The following PARD3 variants were observed in gnomAD, a reference collection of about 807,000 sequenced individuals.
PARD3 encodes the protein partitioning defective 3 homolog.
PARD3 carries 75 observed loss-of-function variants against 155.4 expected under a neutral mutation model. That is an observed-to-expected ratio of 0.48 (90% CI 0.40 to 0.58). The LOEUF (loss-of-function observed/expected upper bound fraction) is 0.58, where lower values mean the gene tolerates loss of function less well. PARD3 is among the 20% of genes least tolerant of loss of function. The pLI, the probability that PARD3 is intolerant of heterozygous loss-of-function variation, is 0.00. For missense variants in PARD3, 1,642 were observed against 1,721.7 expected, an observed-to-expected ratio of 0.95 and a Z score of 0.82; for synonymous variants, 576 against 610.5, an observed-to-expected ratio of 0.94 and a Z score of 0.83.
intron 1 of PARD3, among the ~76,000 whole-genome samples, chr10:34,711,908 C>G (rs1264005573): frequency 6.6e-6 from 1 of 152,228 alleles, no homozygotes; most frequent in Non-Finnish European, 1.5e-5. Context: ...AGTTTACATT[C>G]CAGGAAACAT....
chr10:34,726,985 A>C (rs1479546887), intron 1 of PARD3, among the ~76,000 whole-genome samples: 1 of 152,178 alleles, frequency 6.6e-6, no homozygotes, highest in Non-Finnish European at 1.5e-5. Context: ...GGGTAAGCTC[A>C]GACAAATAAA....
At chr10:34,117,496 A>G (rs1946747649) in intron 24 of PARD3, among the ~76,000 whole-genome samples, 1 of 152,166 alleles carries the variant, frequency 6.6e-6, no homozygotes, top group Admixed American at 6.5e-5. Context: ...TACACAGACC[A>G]ACCTTGATGT....
chr10:34,314,597 A>T (rs1298214926), intron 20 of PARD3, among the ~76,000 whole-genome samples: 2 of 151,692 alleles, frequency 1.3e-5, no homozygotes, highest in Non-Finnish European at 2.9e-5. Context: ...TGGGAGAAGA[A>T]CTCTGTTTTG....
chr10:34,532,417 A>C (rs959455896), intron 2 of PARD3, among the ~76,000 whole-genome samples: 2 of 152,144 alleles, frequency 1.3e-5, no homozygotes, highest in African/African-American at 4.8e-5. Context: ...TTCTGAGTAG[A>C]CAACTTTGCA....
At chr10:34,472,982 A>T (rs1056534187) in intron 3 of PARD3, among the ~76,000 whole-genome samples, 5 of 152,326 alleles carry the variant, frequency 3.3e-5, no homozygotes, top group Admixed American at 1.3e-4. Flanking sequence ...TTATCTCTAT[A>T]TACCTGTAGC....
intron 22 of PARD3, among the ~76,000 whole-genome samples, chr10:34,142,396 G>T (rs1386567212): frequency 1.3e-5 from 2 of 151,898 alleles, no homozygotes; most frequent in Admixed American, 6.6e-5. Flanking sequence ...AAAATTAGCT[G>T]GGTGTGGTGG....
At chr10:34,368,709 C>A (rs1323498688) in intron 12 of PARD3, among the ~76,000 whole-genome samples, 1 of 151,840 alleles carries the variant, frequency 6.6e-6, no homozygotes, top group African/African-American at 2.4e-5. Flanking sequence ...CAGCCCAAGT[C>A]AGGAGAAAGT....
intron 24 of PARD3, among the ~76,000 whole-genome samples, chr10:34,116,232 TATAC>T (rs1451433939): frequency 1.3e-5 from 2 of 152,224 alleles, no homozygotes; most frequent in Non-Finnish European, 2.9e-5. Context: ...CTCTTTCTCA[TATAC>T]ATGCCTCTAA....
intron 4 of PARD3, 102 bp downstream of exon 4, chr10:34,469,983 A>G: frequency 1.1e-6 from 1 of 882,554 alleles, no homozygotes; most frequent in Non-Finnish European, 1.7e-6. Flanking sequence ...CATCATGAAG[A>G]TGCCCTGGAA....
At chr10:34,203,172 AAGAG>A (rs777650179) in intron 22 of PARD3, among the ~76,000 whole-genome samples, 5 of 151,308 alleles carry the variant, frequency 3.3e-5, no homozygotes, top group South Asian at 2.1e-4. Flanking sequence ...GGTACACTGC[AAGAG>A]AGAGAGAGAG....
rs1287820002 is a variant in PARD3, at chr10:34,716,444, C to T, written c.121-20025G>A. 2.6e-5 allele frequency among the ~76,000 whole-genome samples: 4 copies of T among 152,152 alleles called. No individual in the cohort carries two copies. The East Asian group carries it at 7.7e-4, about 29-fold the overall frequency. On this transcript the variant is annotated intron_variant, in intron 1 of 24. Coordinates refer to ENST00000374788, the MANE Select transcript of PARD3 (RefSeq NM_001184785.2). Reference sequence around the variant, plus strand: ...AGTAATTAAAGTGTGAAATGGACTACCTCAAACAACAATAAAACTTGTAAC... The same window carrying T: ...AGTAATTAAAGTGTGAAATGGACTATCTCAAACAACAATAAAACTTGTAAC...
intron 22 of PARD3, among the ~76,000 whole-genome samples, chr10:34,241,432 G>A (rs779226560): frequency 2.0e-5 from 3 of 152,086 alleles, no homozygotes; most frequent in Non-Finnish European, 2.9e-5. Flanking sequence ...TGGTCCTGGC[G>A]GGCCTCAGCA....
chr10:34,729,132 T>C (rs2094771414), intron 1 of PARD3, among the ~76,000 whole-genome samples: 1 of 152,140 alleles, frequency 6.6e-6, no homozygotes, highest in African/African-American at 2.4e-5. Flanking sequence ...GCTCGCACAA[T>C]GAAACTGCCT....
intron 1 of PARD3, among the ~76,000 whole-genome samples, chr10:34,726,734 G>C (rs1190056413): frequency 1.3e-5 from 2 of 151,814 alleles, no homozygotes; most frequent in Non-Finnish European, 2.9e-5. Context: ...CTGCACTCCA[G>C]TCTGGGCGGC....
rs558135175 is a variant in PARD3, at chr10:34,688,281, A to G, written c.222+8037T>C. On this transcript the variant is annotated intron_variant, in intron 2 of 24. Transcript: ENST00000374788. ...TCCACATTTCTAAATTTGCTGTACT[A>G]CCCACAGGGAATAAACAGGAGTGGC... 6.0e-4 allele frequency among the ~76,000 whole-genome samples: 91 copies of G among 152,278 alleles called. 1 individual carries two copies. In the South Asian group the frequency reaches 0.016, roughly 27 times the overall value.
At chr10:34,588,378 A>G (rs1437413999) in intron 2 of PARD3, among the ~76,000 whole-genome samples, 1 of 152,192 alleles carries the variant, frequency 6.6e-6, no homozygotes, top group East Asian at 1.9e-4. Flanking sequence ...TACAAGCCAC[A>G]GCTAACATTC....
chr10:34,750,500 C>A (rs999812669), intron 1 of PARD3, among the ~76,000 whole-genome samples: 1 of 145,816 alleles, frequency 6.9e-6, no homozygotes, highest in African/African-American at 2.7e-5. Context: ...CACACACACA[C>A]ACACACACAC....
intron 22 of PARD3, among the ~76,000 whole-genome samples, chr10:34,226,269 G>A (rs1952595214): frequency 6.6e-6 from 1 of 152,238 alleles, no homozygotes; most frequent in Admixed American, 6.5e-5. Flanking sequence ...TACACAATAG[G>A]CTGGGTGTTG....
At chr10:34,575,818 C>T (rs2086838693) in intron 2 of PARD3, among the ~76,000 whole-genome samples, 1 of 152,050 alleles carries the variant, frequency 6.6e-6, no homozygotes, top group Non-Finnish European at 1.5e-5. Flanking sequence ...ATTGCTTGAA[C>T]CTGGAAGGTA....
Sources: allele counts gnomAD v4.1 joint callset (sites outside exome capture counted in the v4.1 genomes callset), GRCh38; gene constraint gnomAD v4.1.1; transcripts MANE v1.5; gene names NCBI Gene and HGNC (gene_info 2026-07-23, HGNC 2026-07-21).